Variants in MAEL observed in about 807,000 individuals in gnomAD.
The protein encoded by MAEL is maelstrom spermatogenic transposon silencer.
In MAEL, 46 loss-of-function variants were observed where a neutral mutation model predicts 62.0. That is an observed-to-expected ratio of 0.74 (90% CI 0.59 to 0.95). MAEL has a LOEUF of 0.95. Among genes scored for constraint, MAEL ranks in the 40% least tolerant of loss-of-function variants. The pLI is 0.00. For missense variants in MAEL, 497 were observed against 526.8 expected, an observed-to-expected ratio of 0.94 and a Z score of 0.55; for synonymous variants, 172 against 175.5, an observed-to-expected ratio of 0.98 and a Z score of 0.16.
At chr1:167,009,196 G>A (rs887816715) in intron 8 of MAEL, among the ~76,000 whole-genome samples, 4 of 152,150 alleles carry the variant, frequency 2.6e-5, no homozygotes, top group Non-Finnish European at 4.4e-5. Context: ...GCTGGCTGCT[G>A]TGATATTTGA....
At chr1:167,021,535 A>C in intron 11 of MAEL, 133 bp from the exon 12 acceptor site, 2 of 645,434 alleles carry the variant, frequency 3.1e-6, no homozygotes, top group Non-Finnish European at 5.0e-6. Context: ...TGGGCTAAAA[A>C]CAAAAACATT....
rs776594071 is a variant in MAEL, at chr1:167,021,840, C to G, written c.1290C>G (p.Phe430Leu). ...YMSQKDGYKSFSSLS is the reference protein window; with the variant it reads ...YMSQKDGYKSLSSLS Reference sequence around the variant, plus strand: ...CCCAAAAAGATGGATACAAATCTTTCTCTTCCTTATCTTAATGATGGTACT... The same window carrying G: ...CCCAAAAAGATGGATACAAATCTTTGTCTTCCTTATCTTAATGATGGTACT... The change falls in exon 12 of 12, where the codon TTC becomes TTG. Residue 430 changes from phenylalanine (F) to leucine (L), a missense_variant. Physicochemically the swap from Phe to Leu is conservative, Grantham distance 22. Coordinates refer to ENST00000367872, the MANE Select transcript of MAEL (RefSeq NM_032858.3). The G allele has an allele frequency of 1.4e-5, 23 of 1,605,812 alleles. No homozygotes were observed. Among genetic ancestry groups the G allele is most frequent in the Non-Finnish European group, 2.0e-5 (23 of 1,174,576 alleles).
intron 5 of MAEL, among the ~76,000 whole-genome samples, chr1:166,995,489 C>T (rs1664386590): frequency 6.6e-6 from 1 of 151,892 alleles, no homozygotes; most frequent in Admixed American, 6.6e-5. Context: ...ATCTGCCTGC[C>T]TCAGGCTCTC....
At chr1:166,997,247 G>C (rs1026187769) in intron 5 of MAEL, among the ~76,000 whole-genome samples, 3 of 152,242 alleles carry the variant, frequency 2.0e-5, no homozygotes, top group Admixed American at 6.5e-5. Flanking sequence ...TTTTAAGAAA[G>C]TTTATGAATT....
Position 166,992,853 on chromosome 1 carries a change from G to T in MAEL, c.481+12G>T. Reference sequence around the variant, plus strand: ...TTTTATAAATCCTGGTAAGTAGTCAGAGTAGATGCTAGATCTTAAACGTGT... The same window carrying T: ...TTTTATAAATCCTGGTAAGTAGTCATAGTAGATGCTAGATCTTAAACGTGT... On this transcript the variant is annotated intron_variant, in intron 4 of 11. Transcript: ENST00000367872. 1 of 1,569,330 alleles carries T rather than the reference G, an allele frequency of 6.4e-7. No individual in the cohort carries two copies. Among genetic ancestry groups the T allele is most frequent in the East Asian group, 2.3e-5 (1 of 43,558 alleles).
intron 8 of MAEL, among the ~76,000 whole-genome samples, chr1:167,009,060 C>T (rs1168243042): frequency 6.6e-6 from 1 of 152,076 alleles, no homozygotes; most frequent in East Asian, 1.9e-4. Flanking sequence ...ACATCATCTA[C>T]ATTAATTGTA....
At chr1:167,013,994 T>C (rs1665277681) in intron 8 of MAEL, among the ~76,000 whole-genome samples, 1 of 152,328 alleles carries the variant, frequency 6.6e-6, no homozygotes. Context: ...AGTAGAGACA[T>C]GTTCACAAGT....
chr1:166,991,373 T>C lies in MAEL; in HGVS notation c.226-5T>C. The C allele has an allele frequency of 6.3e-7, 1 of 1,598,382 alleles. No individual in the cohort carries two copies. Among genetic ancestry groups the C allele is most frequent in the Non-Finnish European group, 8.6e-7 (1 of 1,165,868 alleles). Reference sequence around the variant, plus strand: ...TATGTGGCCAATCATTCTCTTCCTCTTTAGAAACCTGTTTTCACACCACTG... The same window carrying C: ...TATGTGGCCAATCATTCTCTTCCTCCTTAGAAACCTGTTTTCACACCACTG... On this transcript the variant is annotated splice_region_variant and splice_polypyrimidine_tract_variant and intron_variant, in intron 2 of 11. Transcript: ENST00000367872.
intron 5 of MAEL, among the ~76,000 whole-genome samples, chr1:166,994,792 C>G: frequency 6.6e-6 from 1 of 150,892 alleles, no homozygotes; most frequent in East Asian, 2.0e-4. Flanking sequence ...GTCTCAGCCT[C>G]CGGAGTGGCT....
intron 1 of MAEL, among the ~76,000 whole-genome samples, chr1:166,979,604 G>A (rs541426022): frequency 6.6e-6 from 1 of 152,338 alleles, no homozygotes; most frequent in East Asian, 1.9e-4. Flanking sequence ...CAAGAACAGT[G>A]GACACTAGAC....
intron 8 of MAEL, among the ~76,000 whole-genome samples, chr1:167,014,391 T>C (rs978853794): frequency 2.0e-5 from 3 of 152,232 alleles, no homozygotes; most frequent in African/African-American, 7.2e-5. Flanking sequence ...GAGCTGCTCT[T>C]GTACATAAGG....
At position 166,992,739 on chromosome 1, in the gene MAEL, C is replaced by A. The variant is rs777985391; in HGVS notation, c.379C>A (p.Pro127Thr). 6.2e-7 allele frequency: 1 copy of A among 1,608,976 alleles called. No homozygotes were observed. The highest frequency in any genetic ancestry group is 8.5e-7 in the Non-Finnish European group (1 of 1,178,394). The stretch of plus-strand genomic sequence containing the variant: ...GAACATTTTTAGCCATGGCGAGCTA[C>A]CTCCTCATTGTGAACAGCGCTTCCT... ...FLNIFSHGEL[P>T]PHCEQRFLPC... Residue 127 changes from proline (P) to threonine (T), a missense_variant, in exon 4 of 12, where the codon CCT becomes ACT. Coordinates refer to ENST00000367872, the MANE Select transcript of MAEL (RefSeq NM_032858.3).
intron 5 of MAEL, among the ~76,000 whole-genome samples, chr1:166,995,930 TG>T (rs1481193370): frequency 6.6e-6 from 1 of 152,238 alleles, no homozygotes; most frequent in Non-Finnish European, 1.5e-5. Flanking sequence ...ACAGAAAGCA[TG>T]GTTCTTTAAA....
At chr1:166,991,559 C>T (rs1380127283) in intron 3 of MAEL, 82 bp downstream of exon 3, 2 of 813,554 alleles carry the variant, frequency 2.5e-6, no homozygotes, top group African/African-American at 3.4e-5. Flanking sequence ...ATTTTCTGTT[C>T]ATTTTGATCC....
At chr1:166,984,470 T>C (rs1348074016), upstream of MAEL, among the ~76,000 whole-genome samples, 1 of 152,206 alleles carries the variant, frequency 6.6e-6, no homozygotes, top group Non-Finnish European at 1.5e-5. Context: ...AGTCATTCGA[T>C]TTAGCCATTC....
rs1301775666 is a variant in MAEL at position 167,021,958 on chromosome 1, A to G, written c.*103A>G. 18 of 715,552 alleles carry G rather than the reference A, an allele frequency of 2.5e-5. No individual in the cohort carries two copies. Among genetic ancestry groups the G allele is most frequent in the Non-Finnish European group, 3.5e-5 (16 of 452,170 alleles). The allele number at this position is 715,552 out of a possible 1,614,324, so 44.3% of individuals were successfully genotyped here. On this transcript the variant is annotated 3_prime_UTR_variant, in exon 12 of 12. Coordinates refer to ENST00000367872, the MANE Select transcript of MAEL (RefSeq NM_032858.3). ...CATCAATGACAAATGTCACTACTAT[A>G]AAAACTACTTAATTTGTAAGGAAAT... is the stretch of plus-strand genomic sequence containing the variant.
rs1664057178 is a variant in MAEL at position 166,989,378 on chromosome 1, ATGCTTAC to A, written c.28_34del (p.Ala10IlefsTer35). On this transcript the variant is annotated frameshift_variant, in exon 1 of 12. Coordinates refer to ENST00000367872, the MANE Select transcript of MAEL (RefSeq NM_032858.3). LOFTEE classifies it high-confidence loss of function. ...ATGCCGAACCGTAAGGCCAGCCGGA[ATGCTTAC>A]TATTTCTTCGTGCAGGAGAAGATCC... 2 of 1,609,296 alleles carry A rather than the reference ATGCTTAC, an allele frequency of 1.2e-6. No homozygotes were observed. Among genetic ancestry groups the A allele is most frequent in the Non-Finnish European group, 1.7e-6 (2 of 1,178,076 alleles).
In MAEL at chr1:167,004,983, C is replaced by G. The variant is rs1004451322; in HGVS notation, c.649-93C>G. ...CCTGTGCCCCCTACCTCCCAACCCCCACATTTTGAAAGGACAGCATTAGAA... is the reference window on the plus strand; with the variant it reads ...CCTGTGCCCCCTACCTCCCAACCCCGACATTTTGAAAGGACAGCATTAGAA... On this transcript the variant is annotated intron_variant, in intron 6 of 11. Transcript: ENST00000367872. The G allele has an allele frequency of 5.6e-6, 7 of 1,249,302 alleles. No homozygotes were observed. The African/African-American group carries it at 9.0e-5, about 16-fold the overall frequency. The allele number at this position is 1,249,302 out of a possible 1,614,324, so 77.4% of individuals were successfully genotyped here.
At chr1:167,006,634 T>C (rs1455860372) in intron 8 of MAEL, among the ~76,000 whole-genome samples, 9 of 93,134 alleles carry the variant, frequency 9.7e-5, no homozygotes, top group African/African-American at 3.0e-4. Flanking sequence ...TATATATATA[T>C]ATACATTTTT....
Sources: allele counts gnomAD v4.1 joint callset (sites outside exome capture counted in the v4.1 genomes callset), GRCh38; gene constraint gnomAD v4.1.1; transcripts MANE v1.5; gene names NCBI Gene and HGNC (gene_info 2026-07-23, HGNC 2026-07-21).